Variants in PSEN2 observed in about 807,000 individuals in gnomAD.
The protein encoded by PSEN2 is presenilin-2.
In PSEN2, 32 loss-of-function variants were observed where a neutral mutation model predicts 49.1. That is an observed-to-expected ratio of 0.65 (90% confidence interval 0.49 to 0.88). PSEN2 has a LOEUF of 0.88. PSEN2 is among the 40% of genes least tolerant of loss of function. The pLI is 0.00. For synonymous variants in PSEN2, 255 were observed against 244.0 expected (o/e 1.05, Z -0.42); for missense variants, 522 against 586.9 (o/e 0.89, Z 1.14).
intron 3 of PSEN2, among the ~76,000 whole-genome samples, chr1:226,876,681 A>G (rs945974152): frequency 6.6e-6 from 1 of 152,210 alleles, no homozygotes; most frequent in African/African-American, 2.4e-5. Flanking sequence ...TCAGGTTCGT[A>G]AAGTTTTATG....
intron 4 of PSEN2, among the ~76,000 whole-genome samples, chr1:226,883,057 G>T (rs1661099996): frequency 6.6e-6 from 1 of 152,168 alleles, no homozygotes; most frequent in South Asian, 2.1e-4. Context: ...CTTACAGATC[G>T]GTTTGTGCTA....
chr1:226,881,853 A>G (rs1174872254), intron 3 of PSEN2, 35 bp from the exon 4 acceptor site: 5 of 1,613,780 alleles, frequency 3.1e-6, no homozygotes, highest in Non-Finnish European at 4.2e-6. Flanking sequence ...GTCTCACAGG[A>G]AAGTGGAACA....
intron 2 of PSEN2, among the ~76,000 whole-genome samples, chr1:226,871,913 A>G (rs1403692216): frequency 6.6e-6 from 1 of 152,244 alleles, no homozygotes; most frequent in Non-Finnish European, 1.5e-5. Context: ...CACGACGCCC[A>G]CGTTGAGCCT....
chr1:226,878,045 T>G (rs1242499148), intron 3 of PSEN2, among the ~76,000 whole-genome samples: 1 of 152,152 alleles, frequency 6.6e-6, no homozygotes, highest in Non-Finnish European at 1.5e-5. Flanking sequence ...CTCACAGAAC[T>G]GCTTTCCAGG....
chr1:226,879,462 C>G (rs1192720789), intron 3 of PSEN2, among the ~76,000 whole-genome samples: 1 of 152,164 alleles, frequency 6.6e-6, no homozygotes, highest in Non-Finnish European at 1.5e-5. Context: ...GGGGGCTCTC[C>G]TCTGCTGCAT....
At chr1:226,877,508 C>T (rs1157639985) in intron 3 of PSEN2, among the ~76,000 whole-genome samples, 1 of 152,198 alleles carries the variant, frequency 6.6e-6, no homozygotes, top group East Asian at 1.9e-4. Flanking sequence ...CTAAGGGATT[C>T]AGCATTTCCT....
chr1:226,887,303 C>T (rs1661422076), intron 6 of PSEN2, among the ~76,000 whole-genome samples: 1 of 152,094 alleles, frequency 6.6e-6, no homozygotes, highest in Admixed American at 6.5e-5. Context: ...CCCCTTTTGG[C>T]TGTGTGTGCA....
At chr1:226,878,511 A>G (rs1384894549) in intron 3 of PSEN2, among the ~76,000 whole-genome samples, 1 of 152,190 alleles carries the variant, frequency 6.6e-6, no homozygotes, top group Non-Finnish European at 1.5e-5. Flanking sequence ...CTCTCTGCTT[A>G]TCCATTTTTG....
In PSEN2 at chr1:226,891,259, A is replaced by C. The variant is rs1661721923; in HGVS notation, c.887-19A>C. On this transcript the variant is annotated intron_variant, in intron 9 of 12. Transcript: ENST00000366783. ...ACTGTTAGCACCGCCTGAGATGTGA[A>C]CCTTTTCTCCTCCCCCAGCTGCCAT... 1 of 1,612,220 alleles carries C rather than the reference A, an allele frequency of 6.2e-7. No individual in the cohort carries two copies. Among genetic ancestry groups the C allele is most frequent in the Non-Finnish European group, 8.5e-7 (1 of 1,179,260 alleles).
Position 226,883,911 on chromosome 1 carries a change from T to A in PSEN2, c.348T>A (p.Asn116Lys). The change falls in exon 5 of 13, where the codon AAT (asparagine) becomes AAA (lysine). Residue 116 changes from asparagine to lysine, a missense_variant. Transcript: ENST00000366783. ...CTGTGCGCTTCTACACAGAGAAGAA[T>A]GGACAGCTGTGAGTTGGGGGGCTGG... ...IKSVRFYTEKNGQLIYTPFTE... is the reference protein window; with the variant it reads ...IKSVRFYTEKKGQLIYTPFTE... 2.3e-6 allele frequency: 3 copies of A among 1,322,066 alleles called. No homozygotes were observed. Among genetic ancestry groups the A allele is most frequent in the Non-Finnish European group, 3.0e-6 (3 of 1,004,528 alleles). The allele number at this position is 1,322,066 out of a possible 1,614,324, so 81.9% of individuals were successfully genotyped here. A position where few individuals can be genotyped will look rare whatever the true frequency, so the allele number is the denominator to read the frequency against.
chr1:226,891,413 A>G lies in PSEN2; in HGVS notation c.970+52A>G, dbSNP rs754935826. ...TCTCATCACTGGGGGGCAGCTCCCT[A>G]CCTGCACCCAGCTCTGCTCGGCCTG... is the stretch of plus-strand genomic sequence containing the variant. On this transcript the variant is annotated intron_variant, in intron 10 of 12. Coordinates refer to ENST00000366783, the MANE Select transcript of PSEN2 (RefSeq NM_000447.3). The G allele has an allele frequency of 2.0e-6, 3 of 1,487,428 alleles. No individual in the cohort carries two copies. In the South Asian group the frequency reaches 3.6e-5, roughly 18 times the overall value. The allele number at this position is 1,487,428 out of a possible 1,614,324, so 92.1% of individuals were successfully genotyped here. A position where few individuals can be genotyped will look rare whatever the true frequency, so the allele number is the denominator to read the frequency against.
At chr1:226,889,118 C>T in intron 8 of PSEN2, 69 bp downstream of exon 8, 1 of 1,417,854 alleles carries the variant, frequency 7.1e-7, no homozygotes, top group Non-Finnish European at 9.8e-7. Context: ...CCCAGTGCTG[C>T]ACAAGGAGGG....
chr1:226,894,055 T>G lies in PSEN2; in HGVS notation c.1121T>G (p.Val374Gly). Residue 374 changes from valine to glycine, a missense_variant, in exon 12 of 13, where the codon GTG becomes GGG. Val to Gly is a moderately radical substitution (Grantham distance 109). Transcript: ENST00000366783. ...LGDFIFYSVL[V>G]GKAAATGSGD... Reference sequence around the variant, plus strand: ...GACTTCATCTTCTACAGTGTGCTGGTGGGCAAGGCGGCTGCCACGGGCAGC... The same window carrying G: ...GACTTCATCTTCTACAGTGTGCTGGGGGGCAAGGCGGCTGCCACGGGCAGC... 6.2e-7 allele frequency: 1 copy of G among 1,614,164 alleles called. No homozygotes were observed. Among genetic ancestry groups the G allele is most frequent in the East Asian group, 2.2e-5 (1 of 44,882 alleles).
intron 3 of PSEN2, among the ~76,000 whole-genome samples, chr1:226,879,711 C>T (rs1020374307): frequency 2.0e-5 from 3 of 152,202 alleles, no homozygotes; most frequent in Non-Finnish European, 4.4e-5. Context: ...CTTCTTGTGA[C>T]CTGAGGCATC....
chr1:226,878,934 A>G (rs1261983263), intron 3 of PSEN2, among the ~76,000 whole-genome samples: 1 of 152,152 alleles, frequency 6.6e-6, no homozygotes, highest in African/African-American at 2.4e-5. Flanking sequence ...CAGAGTGGAT[A>G]GTGAGGGAAA....
intron 11 of PSEN2, among the ~76,000 whole-genome samples, chr1:226,893,539 A>C (rs1481000172): frequency 6.6e-6 from 1 of 152,188 alleles, no homozygotes; most frequent in African/African-American, 2.4e-5. Context: ...TGGGTAGACT[A>C]ATTCCCAGTT....
downstream of PSEN2, among the ~76,000 whole-genome samples, chr1:226,900,136 C>T (rs137859160): frequency 1.2e-4 from 19 of 152,180 alleles, no homozygotes; most frequent in South Asian, 8.3e-4. Context: ...TCTTCAAAGA[C>T]GGTGGAAATG....
At chr1:226,889,080 T>TG (rs748521246) in intron 8 of PSEN2, 31 bp downstream of exon 8, 3 of 1,589,590 alleles carry the variant, frequency 1.9e-6, no homozygotes, top group Non-Finnish European at 2.6e-6. Context: ...GTGGGGGCAG[T>TG]GGGGGCGATG....
At chr1:226,891,238 T>G in intron 9 of PSEN2, 40 bp from the exon 10 acceptor site, 1 of 1,589,548 alleles carries the variant, frequency 6.3e-7, no homozygotes, top group Non-Finnish European at 8.6e-7. Flanking sequence ...GCAGCCACTG[T>G]TAGCACCGCC....
Sources: allele counts gnomAD v4.1 joint callset (sites outside exome capture counted in the v4.1 genomes callset), GRCh38; gene constraint gnomAD v4.1.1; transcripts MANE v1.5; gene names NCBI Gene and HGNC (gene_info 2026-07-23, HGNC 2026-07-21).